Variants in POLD3 observed in about 807,000 individuals in gnomAD.
The protein encoded by POLD3 is DNA polymerase delta 3, accessory subunit.
A neutral mutation model predicts 58.2 loss-of-function variants in POLD3; 19 were observed. That is an observed-to-expected ratio of 0.33 (90% CI 0.23 to 0.48). POLD3 has a LOEUF of 0.48. Among genes scored for constraint, POLD3 ranks in the 20% least tolerant of loss-of-function variants. The pLI is 0.99. For missense variants in POLD3, 504 were observed against 545.5 expected, an observed-to-expected ratio of 0.92 and a Z score of 0.76; for synonymous variants, 172 against 193.5, an observed-to-expected ratio of 0.89 and a Z score of 0.92.
chr11:74,650,201 A>T (rs910752996), intron 4 of POLD3, among the ~76,000 whole-genome samples: 8 of 152,140 alleles, frequency 5.3e-5, no homozygotes, highest in Non-Finnish European at 1.2e-4. Flanking sequence ...TACTTTGCTA[A>T]TTTTTTTGCC....
chr11:74,648,723 T>G (rs1275280330), intron 4 of POLD3, among the ~76,000 whole-genome samples: 1 of 152,220 alleles, frequency 6.6e-6, no homozygotes, highest in East Asian at 1.9e-4. Context: ...CTTTGCTAAG[T>G]AGTTTAGACC....
chr11:74,613,296 C>T (rs1456228866), intron 5 of POLD3, among the ~76,000 whole-genome samples: 1 of 151,920 alleles, frequency 6.6e-6, no homozygotes, highest in Non-Finnish European at 1.5e-5. Flanking sequence ...TACCCAGTCT[C>T]TGCTTGTCTA....
intron 6 of POLD3, among the ~76,000 whole-genome samples, chr11:74,619,222 G>GT (rs1202730554): frequency 1.3e-5 from 2 of 151,982 alleles, no homozygotes; most frequent in Non-Finnish European, 2.9e-5. Flanking sequence ...CTTTATGCAG[G>GT]TTTTTTTGTT....
chr11:74,614,835 G>A (rs1314302162), intron 5 of POLD3, among the ~76,000 whole-genome samples: 1 of 152,106 alleles, frequency 6.6e-6, no homozygotes, highest in East Asian at 1.9e-4. Context: ...GGGCAGCTGG[G>A]TACTAAGAAG....
At chr11:74,655,724 T>C (rs998184524) in intron 4 of POLD3, among the ~76,000 whole-genome samples, 2 of 151,666 alleles carry the variant, frequency 1.3e-5, no homozygotes, top group Admixed American at 6.6e-5. Flanking sequence ...ACCTGCTAAA[T>C]GGAATCTACA....
At chr11:74,606,726 G>C (rs149177144) in intron 3 of POLD3, among the ~76,000 whole-genome samples, 1 of 152,298 alleles carries the variant, frequency 6.6e-6, no homozygotes, top group East Asian at 1.9e-4. Context: ...GACACTGAAA[G>C]TGTTCAAATT....
In POLD3 at chr11:74,618,740, A is replaced by G. The variant is rs201978413; in HGVS notation, c.596A>G (p.Lys199Arg). ...GGAATTATGGGAATGTTTGCCTCCA[A>G]AGCTGCTGCTAAAACCCAAGAAACC... ...PKGIMGMFAS[K>R]AAAKTQETNK... Residue 199 changes from lysine (K) to arginine (R), a missense_variant, in exon 6 of 12, where the codon AAA (lysine) becomes AGA (arginine). By Grantham distance (26) the Lys-to-Arg change is conservative (BLOSUM62 2). This residue lies in a region of POLD3 where 385 missense variants were observed against 370.5 expected (regional missense o/e 1.04). Coordinates refer to ENST00000263681, the MANE Select transcript of POLD3 (RefSeq NM_006591.3). 8.1e-6 allele frequency: 13 copies of G among 1,614,194 alleles called. No individual in the cohort carries two copies. The highest frequency in any genetic ancestry group is 5.0e-5 in the Admixed American group (3 of 60,022).
intron 5 of POLD3, among the ~76,000 whole-genome samples, 162 bp from the exon 6 acceptor site, chr11:74,618,375 T>C (rs903103951): frequency 2.3e-4 from 35 of 152,228 alleles, no homozygotes; most frequent in Non-Finnish European, 3.1e-4. Context: ...TACATTTTTC[T>C]AAAGTCGATT....
intron 4 of POLD3, among the ~76,000 whole-genome samples, chr11:74,648,923 C>T (rs2033034301): frequency 6.6e-6 from 1 of 152,194 alleles, no homozygotes; most frequent in African/African-American, 2.4e-5. Context: ...AGGCAGATGA[C>T]TCCTTTGATC....
At chr11:74,601,114 G>C (rs537219386) in intron 2 of POLD3, among the ~76,000 whole-genome samples, 1 of 152,300 alleles carries the variant, frequency 6.6e-6, no homozygotes, top group East Asian at 1.9e-4. Flanking sequence ...AGTGCATAGA[G>C]GACAATGACT....
chr11:74,628,022 T>C (rs11236177), intron 8 of POLD3, among the ~76,000 whole-genome samples: 19,715 of 152,182 alleles, frequency 0.13, 1,658 homozygotes, highest in African/African-American at 0.24. Flanking sequence ...AGGTTTTTAT[T>C]GTGAATTTGA....
chr11:74,642,543 G>A lies in POLD3; in HGVS notation c.*1777G>A, dbSNP rs1256998974. ...TGAATTTGAATTGGAAAATTCTGGT[G>A]TTGGTTGGAGTTCCATCTTGCAAGG... On this transcript the variant is annotated 3_prime_UTR_variant, in exon 12 of 12. Transcript: ENST00000263681. 1 of 985,086 alleles carries A rather than the reference G, an allele frequency of 1.0e-6. No homozygotes were observed. Among genetic ancestry groups the A allele is most frequent in the African/African-American group, 1.7e-5 (1 of 57,232 alleles). 61.0% of individuals were successfully genotyped at this position (985,086 alleles called of 1,614,324 possible). A position where few individuals can be genotyped will look rare whatever the true frequency, so the allele number is the denominator to read the frequency against.
chr11:74,635,713 A>G (rs1310566733), intron 10 of POLD3, among the ~76,000 whole-genome samples: 2 of 152,342 alleles, frequency 1.3e-5, no homozygotes, highest in East Asian at 1.9e-4. Flanking sequence ...AGAAGACAAG[A>G]AATGTGAAGG....
chr11:74,667,238 A>G (rs1445384421), intron 4 of POLD3, among the ~76,000 whole-genome samples: 1 of 152,238 alleles, frequency 6.6e-6, no homozygotes, highest in African/African-American at 2.4e-5. Context: ...ACTGAACTGT[A>G]TACTTAACAA....
At chr11:74,601,231 A>G (rs118068287) in intron 2 of POLD3, among the ~76,000 whole-genome samples, 478 of 152,286 alleles carry the variant, frequency 3.1e-3, no homozygotes, top group Non-Finnish European at 5.4e-3. Context: ...TTCCTTTAGC[A>G]TGGTCCAAAC....
intron 5 of POLD3, among the ~76,000 whole-genome samples, chr11:74,613,318 T>C (rs896775390): frequency 1.3e-5 from 2 of 151,780 alleles, no homozygotes; most frequent in African/African-American, 2.4e-5. Flanking sequence ...ATCCTACCCA[T>C]CCTTCAAGAA....
chr11:74,640,861 C>A lies in POLD3; in HGVS notation c.*95C>A. The A allele has an allele frequency of 7.3e-7, 1 of 1,369,646 alleles. No individual in the cohort carries two copies. Among genetic ancestry groups the A allele is most frequent in the Non-Finnish European group, 9.5e-7 (1 of 1,058,034 alleles). 84.8% of individuals were successfully genotyped at this position (1,369,646 alleles called of 1,614,324 possible). ...TACTATGTAAGTTCATCTAGATCTCCACCTCACCTGTATCAAAAGACTGTT... is the reference window on the plus strand; with the variant it reads ...TACTATGTAAGTTCATCTAGATCTCAACCTCACCTGTATCAAAAGACTGTT... On this transcript the variant is annotated 3_prime_UTR_variant, in exon 12 of 12. Transcript: ENST00000263681.
downstream of POLD3, among the ~76,000 whole-genome samples, chr11:74,647,261 C>T (rs1483422435): frequency 6.6e-6 from 1 of 152,226 alleles, no homozygotes; most frequent in African/African-American, 2.4e-5. Context: ...TTTTAAAGTT[C>T]TATCCTGGAA....
rs1323647791 is a variant in POLD3 at position 74,604,755 on chromosome 11, C to T, written c.180C>T (p.Thr60=). Residue 60 remains threonine (T), a synonymous_variant, in exon 3 of 12, where the codon ACC becomes ACT. Transcript: ENST00000263681. ...ATTCAGGAGCCCAACTGCATGTTAC[C>T]TACTTGGTGTCTGGCAGTCTCATTC... is the stretch of plus-strand genomic sequence containing the variant. ...KENSGAQLHV[T]YLVSGSLIQN... 2 of 1,609,940 alleles carry T rather than the reference C, an allele frequency of 1.2e-6. No homozygotes were observed. Among genetic ancestry groups the T allele is most frequent in the African/African-American group, 2.7e-5 (2 of 74,928 alleles).
Sources: allele counts gnomAD v4.1 joint callset (sites outside exome capture counted in the v4.1 genomes callset), GRCh38; gene constraint gnomAD v4.1.1; regional missense constraint gnomAD v4.1.1; transcripts MANE v1.5; gene names NCBI Gene and HGNC (gene_info 2026-07-23, HGNC 2026-07-21).